Variants in UFL1 observed in about 807,000 individuals in gnomAD.
UFL1 encodes UFM1 specific ligase 1.
A neutral mutation model predicts 99.3 loss-of-function variants in UFL1; 78 were observed. The observed-to-expected ratio is 0.79, with a 90% CI of 0.65 to 0.95. The LOEUF is 0.95. Ranked by LOEUF, UFL1 falls within the 40% of genes least tolerant of loss-of-function variation. The probability of loss-of-function intolerance (pLI) is 0.00; values close to 1 mark genes in which losing one functional copy is unlikely to be tolerated. For missense variants in UFL1, 936 were observed against 937.0 expected (o/e 1.00, Z 0.01); for synonymous variants, 335 against 322.2 (o/e 1.04, Z -0.42).
At position 96,553,452 on chromosome 6, in the gene UFL1, C is replaced by T; in HGVS notation, c.2334C>T (p.Ser778=). The T allele has an allele frequency of 6.2e-7, 1 of 1,613,592 alleles. No individual in the cohort carries two copies. The highest frequency in any genetic ancestry group is 8.5e-7 in the Non-Finnish European group (1 of 1,179,772). ...AAGAGCTTCAAGAACTTTCTTCATC[C>T]ATTAAAGACCTTGTTCTCAAATCTA... is the stretch of plus-strand genomic sequence containing the variant. ...TRKELQELSS[S]IKDLVLKSRK... is the part of the protein sequence containing the mutation. The change falls in exon 19 of 19, where the codon TCC becomes TCT. Residue 778 remains serine (S), a synonymous_variant. Coordinates refer to ENST00000369278, the MANE Select transcript of UFL1 (RefSeq NM_015323.5).
rs1770107667 is a variant in UFL1, at chr6:96,553,280, C to G, written c.2167-5C>G. On this transcript the variant is annotated splice_region_variant and splice_polypyrimidine_tract_variant and intron_variant, in intron 18 of 18. Coordinates refer to ENST00000369278, the MANE Select transcript of UFL1 (RefSeq NM_015323.5). Reference sequence around the variant, plus strand: ...GTTGATTAACTTTTCTTTCCCTTTTCACAGGATCAGCATGCTCTTTTGGTA... The same window carrying G: ...GTTGATTAACTTTTCTTTCCCTTTTGACAGGATCAGCATGCTCTTTTGGTA... The G allele has an allele frequency of 6.2e-7, 1 of 1,608,254 alleles. No individual in the cohort carries two copies. The highest frequency in any genetic ancestry group is 1.7e-5 in the Admixed American group (1 of 58,474).
chr6:96,546,275 CAA>C (rs201825366), intron 12 of UFL1, among the ~76,000 whole-genome samples: 1 of 107,546 alleles, frequency 9.3e-6, no homozygotes, highest in Admixed American at 9.7e-5. Flanking sequence ...TTAATAGCTA[CAA>C]AAAAAAAAAA....
intron 1 of UFL1, among the ~76,000 whole-genome samples, chr6:96,522,411 C>T (rs139333181): frequency 3.3e-5 from 5 of 152,282 alleles, no homozygotes; most frequent in Admixed American, 2.0e-4. Context: ...TTTTATCTCT[C>T]GTAACAGACC....
chr6:96,523,369 G>T, intron 2 of UFL1, 78 bp downstream of exon 2: 3 of 1,334,600 alleles, frequency 2.2e-6, no homozygotes, highest in Non-Finnish European at 3.0e-6. Flanking sequence ...CCGTAAACAT[G>T]TAATTGCATA....
chr6:96,549,728 A>T lies in UFL1; in HGVS notation c.1747A>T (p.Asn583Tyr). 1.2e-6 allele frequency: 2 copies of T among 1,612,442 alleles called. No homozygotes were observed. Among genetic ancestry groups the T allele is most frequent in the Non-Finnish European group, 1.7e-6 (2 of 1,178,898 alleles). Residue 583 changes from asparagine to tyrosine, a missense_variant, in exon 15 of 19, where the codon AAC (asparagine) becomes TAC (tyrosine). Transcript: ENST00000369278. The stretch of plus-strand genomic sequence containing the variant: ...GAAGTCAGTGTGTACTGATATCACT[A>T]ACCTCATTTTCAACTTCTTAGCTTC... ...LLKSVCTDIT[N>Y]LIFNFLASDL...
rs201771151 is a variant in UFL1, at chr6:96,552,652, A to G, written c.2156A>G (p.Lys719Arg). Residue 719 changes from lysine (K) to arginine (R), a missense_variant, in exon 18 of 19, where the codon AAA (lysine) becomes AGA (arginine). Coordinates refer to ENST00000369278, the MANE Select transcript of UFL1 (RefSeq NM_015323.5). The part of the protein sequence containing the change: ...VPQIIAFLNS[K>R]IPEDQHALLV... ...CAGATCATTGCTTTTCTTAATAGTA[A>G]AATTCCAGAGGTATTACATTTTCAA... The G allele has an allele frequency of 6.3e-6, 10 of 1,594,314 alleles. No individual in the cohort carries two copies. In the Admixed American group the frequency reaches 1.1e-4, roughly 18 times the overall value.
chr6:96,543,398 C>T lies in UFL1; in HGVS notation c.1402+382C>T, dbSNP rs565631007. 2.6e-5 allele frequency among the ~76,000 whole-genome samples: 4 copies of T among 151,320 alleles called. No individual in the cohort carries two copies. The South Asian group carries it at 6.2e-4, about 24-fold the overall frequency. On this transcript the variant is annotated intron_variant, in intron 12 of 18. Coordinates refer to ENST00000369278, the MANE Select transcript of UFL1 (RefSeq NM_015323.5). Reference sequence around the variant, plus strand: ...TATGCACAAACAACAAAGCATGTAGCTGTATTGCCTAATTGTCTCCCAGTG... The same window carrying T: ...TATGCACAAACAACAAAGCATGTAGTTGTATTGCCTAATTGTCTCCCAGTG...
intron 4 of UFL1, among the ~76,000 whole-genome samples, chr6:96,525,872 C>G (rs547707910): frequency 1.6e-4 from 24 of 151,546 alleles, no homozygotes; most frequent in African/African-American, 5.8e-4. Flanking sequence ...TAAAAAAATC[C>G]CAGCATGCCA....
intron 5 of UFL1, among the ~76,000 whole-genome samples, chr6:96,527,738 A>G (rs60751914): frequency 0.029 from 4,389 of 152,250 alleles, 187 homozygotes; most frequent in African/African-American, 0.1. Context: ...ACATTTTAGA[A>G]ACGTAGTTTT....
In UFL1 at chr6:96,538,755, T is replaced by G. The variant is rs141150488; in HGVS notation, c.1103T>G (p.Phe368Cys). Residue 368 changes from phenylalanine (F) to cysteine (C), a missense_variant, in exon 10 of 19, where the codon TTT (phenylalanine) becomes TGT (cysteine). By Grantham distance (205) the Phe-to-Cys change is radical. Coordinates refer to ENST00000369278, the MANE Select transcript of UFL1 (RefSeq NM_015323.5). Reference protein sequence around the residue: ...FSDTVVVSEKFINDCTELFRE... With the variant: ...FSDTVVVSEKCINDCTELFRE... ...GACACTGTTGTAGTCAGTGAAAAAT[T>G]TATAAATGACTGTACAGAACTGTTC... is the stretch of plus-strand genomic sequence containing the variant. The G allele has an allele frequency of 1.4e-5, 22 of 1,611,180 alleles. No individual in the cohort carries two copies. The highest frequency in any genetic ancestry group is 1.6e-5 in the Non-Finnish European group (19 of 1,178,228).
intron 12 of UFL1, among the ~76,000 whole-genome samples, chr6:96,543,727 G>A (rs1769962787): frequency 6.6e-6 from 1 of 151,020 alleles, no homozygotes; most frequent in Non-Finnish European, 1.5e-5. Context: ...AACATTGGAA[G>A]CTGATTCAGA....
rs1322876980 is a variant in UFL1, at chr6:96,521,865, C to T, written c.-9C>T. On this transcript the variant is annotated 5_prime_UTR_variant, in exon 1 of 19. Transcript: ENST00000369278. The stretch of plus-strand genomic sequence containing the variant: ...CAGTTCCTCCGCGTCTACTGCGAGT[C>T]AGGCCGTGATGGCGGACGCCTGGGA... 1.2e-6 allele frequency: 2 copies of T among 1,610,688 alleles called. No individual in the cohort carries two copies. Among genetic ancestry groups the T allele is most frequent in the East Asian group, 4.5e-5 (2 of 44,806 alleles).
At chr6:96,529,740 A>T (rs1769754603) in intron 6 of UFL1, among the ~76,000 whole-genome samples, 1 of 152,112 alleles carries the variant, frequency 6.6e-6, no homozygotes, top group South Asian at 2.1e-4. Flanking sequence ...AGCCACAGTG[A>T]TTTCCCTTTT....
At chr6:96,548,437 A>G (rs1770030924) in intron 13 of UFL1, among the ~76,000 whole-genome samples, 156 bp downstream of exon 13, 1 of 151,664 alleles carries the variant, frequency 6.6e-6, no homozygotes, top group African/African-American at 2.4e-5. Context: ...TTATTTGCCT[A>G]CAGTGGCAGT....
intron 2 of UFL1, among the ~76,000 whole-genome samples, chr6:96,523,704 C>T (rs1769659615): frequency 6.6e-6 from 1 of 152,118 alleles, no homozygotes; most frequent in Non-Finnish European, 1.5e-5. Flanking sequence ...CTTGTACTTA[C>T]AAATTAGGTA....
rs542018283 is a variant in UFL1, at chr6:96,530,196, A to G, written c.596+1564A>G. Among the ~76,000 whole-genome samples, 21 of 152,334 alleles carry G rather than the reference A, an allele frequency of 1.4e-4. No individual in the cohort carries two copies. In the South Asian group the frequency reaches 3.9e-3, roughly 29 times the overall value. Reference sequence around the variant, plus strand: ...AATACTTACTTGATTTTTCCTTGACATTCATGACCTTGACACTTTTGAAGA... The same window carrying G: ...AATACTTACTTGATTTTTCCTTGACGTTCATGACCTTGACACTTTTGAAGA... On this transcript the variant is annotated intron_variant, in intron 6 of 18. Transcript: ENST00000369278.
rs1049136556 is a variant in UFL1, at chr6:96,526,517, A to T, written c.465+82A>T. The T allele has an allele frequency of 2.8e-6, 3 of 1,076,174 alleles. No individual in the cohort carries two copies. In the African/African-American group the frequency reaches 4.9e-5, roughly 17 times the overall value. The allele number at this position is 1,076,174 out of a possible 1,614,324, so 66.7% of individuals were successfully genotyped here. A position where few individuals can be genotyped will look rare whatever the true frequency, so the allele number is the denominator to read the frequency against. ...ACTTTGAATGGAAGGGGGAAAAAAA[A>T]ATGAGACTTCCTCACCATCATTTGA... On this transcript the variant is annotated intron_variant, in intron 5 of 18. Coordinates refer to ENST00000369278, the MANE Select transcript of UFL1 (RefSeq NM_015323.5).
chr6:96,526,394 C>T lies in UFL1; in HGVS notation c.424C>T (p.Leu142=). 1 of 1,612,934 alleles carries T rather than the reference C, an allele frequency of 6.2e-7. No homozygotes were observed. The highest frequency in any genetic ancestry group is 2.2e-5 in the East Asian group (1 of 44,760). ...AAGTGGTCAGGTCACCATATCAGAA[C>T]TGTGTAAAACTTATGATCTTCCTGG... ...QESGQVTISE[L]CKTYDLPGNF... is the part of the protein sequence containing the mutation. The change falls in exon 5 of 19, where the codon CTG becomes TTG. Residue 142 remains leucine (L), a synonymous_variant. Transcript: ENST00000369278.
chr6:96,545,292 T>C (rs967884633), intron 12 of UFL1, among the ~76,000 whole-genome samples: 1 of 151,138 alleles, frequency 6.6e-6, no homozygotes, highest in Non-Finnish European at 1.5e-5. Context: ...CTTTACAATT[T>C]CTAATGGAAA....
Sources: allele counts gnomAD v4.1 joint callset (sites outside exome capture counted in the v4.1 genomes callset), GRCh38; gene constraint gnomAD v4.1.1; transcripts MANE v1.5; gene names NCBI Gene and HGNC (gene_info 2026-07-23, HGNC 2026-07-21).